Variants in TGM6 observed in about 807,000 individuals in gnomAD.
TGM6 encodes protein-glutamine gamma-glutamyltransferase 6.
In TGM6, 74 loss-of-function variants were observed where a neutral mutation model predicts 77.5. The observed-to-expected ratio is 0.96, with a 90% CI of 0.79 to 1.16. The LOEUF is 1.16. TGM6 is among the 50% of genes most tolerant of loss of function. TGM6 has a pLI of 0.00. For synonymous variants in TGM6, 383 were observed against 378.9 expected, an observed-to-expected ratio of 1.01 and a Z score of -0.12; for missense variants, 968 against 940.2, an observed-to-expected ratio of 1.03 and a Z score of -0.39.
In TGM6 at chr20:2,430,727, G is replaced by A. The variant is rs188188235; in HGVS notation, c.1833+127G>A. The A allele has an allele frequency of 2.5e-6, 4 of 1,590,326 alleles. No homozygotes were observed. In the Admixed American group the frequency reaches 6.7e-5, roughly 27 times the overall value. On this transcript the variant is annotated intron_variant, in intron 11 of 12. Transcript: ENST00000202625. ...GCTTTAGCTCTCCAGGGTGGGAGGAGTGGGTTGGACATAAGGGGATGGGTG... is the reference window on the plus strand; with the variant it reads ...GCTTTAGCTCTCCAGGGTGGGAGGAATGGGTTGGACATAAGGGGATGGGTG...
intron 7 of TGM6, among the ~76,000 whole-genome samples, chr20:2,402,762 G>C (rs1267300610): frequency 6.6e-6 from 1 of 152,144 alleles, no homozygotes; most frequent in Non-Finnish European, 1.5e-5. Flanking sequence ...TAAAAATAAG[G>C]CTGGAATTAC....
At position 2,417,592 on chromosome 20, in the gene TGM6, G is replaced by C; in HGVS notation, c.1678+19G>C. On this transcript the variant is annotated intron_variant, in intron 10 of 12. Coordinates refer to ENST00000202625, the MANE Select transcript of TGM6 (RefSeq NM_198994.3). ...CAAGAAGGTAAGTGTACGCTGGCTT[G>C]GTGGAATCAGGCCAAACCACCTCCT... 6.3e-7 allele frequency: 1 copy of C among 1,586,712 alleles called. No individual in the cohort carries two copies. Among genetic ancestry groups the C allele is most frequent in the East Asian group, 2.3e-5 (1 of 44,082 alleles).
intron 10 of TGM6, among the ~76,000 whole-genome samples, chr20:2,420,202 G>A (rs1457382256): frequency 6.6e-6 from 1 of 151,964 alleles, no homozygotes; most frequent in Non-Finnish European, 1.5e-5. Flanking sequence ...CCGAGATCGC[G>A]CCACTGCACT....
intron 10 of TGM6, among the ~76,000 whole-genome samples, chr20:2,428,997 T>A (rs2084906777): frequency 6.6e-6 from 1 of 151,486 alleles, no homozygotes; most frequent in Admixed American, 6.6e-5. Context: ...AATTTTGTAA[T>A]TTTTTTTAGT....
At chr20:2,392,760 G>A (rs1218447177) in intron 1 of TGM6, among the ~76,000 whole-genome samples, 3 of 152,182 alleles carry the variant, frequency 2.0e-5, no homozygotes, top group African/African-American at 7.2e-5. Context: ...AAAATTAGCT[G>A]AGTATGGTGG....
intron 7 of TGM6, among the ~76,000 whole-genome samples, chr20:2,401,203 G>A (rs1044767396): frequency 4.1e-5 from 2 of 48,500 alleles, no homozygotes; most frequent in Non-Finnish European, 4.7e-5. Flanking sequence ...GTGAGACTTC[G>A]TCTCAAAAAA....
intron 1 of TGM6, among the ~76,000 whole-genome samples, chr20:2,391,410 A>G (rs2084628786): frequency 6.6e-6 from 1 of 151,988 alleles, no homozygotes; most frequent in African/African-American, 2.4e-5. Context: ...GGAAAAGCAC[A>G]AGGCAGGAAA....
chr20:2,393,706 G>A (rs1218923969), intron 1 of TGM6, among the ~76,000 whole-genome samples: 4 of 151,928 alleles, frequency 2.6e-5, no homozygotes, highest in Non-Finnish European at 5.9e-5. Flanking sequence ...TTGTATTATA[G>A]TAGAGATGAG....
chr20:2,420,193 C>T (rs1293181559), intron 10 of TGM6, among the ~76,000 whole-genome samples: 2 of 151,790 alleles, frequency 1.3e-5, no homozygotes. Flanking sequence ...TGCAGTGAGC[C>T]GAGATCGCGC....
At chr20:2,384,086 G>A (rs947488091) in intron 1 of TGM6, among the ~76,000 whole-genome samples, 42 of 134,986 alleles carry the variant, frequency 3.1e-4, no homozygotes, top group African/African-American at 1.1e-3. Flanking sequence ...CAGCCTGGGC[G>A]ACAGAGTGAG....
At position 2,417,525 on chromosome 20, in the gene TGM6, G is replaced by T. The variant is rs147214177; in HGVS notation, c.1630G>T (p.Ala544Ser). Residue 544 changes from alanine (A) to serine (S), a missense_variant, in exon 10 of 13, where the codon GCA becomes TCA. Transcript: ENST00000202625. ...CATCCTCTATACCCGCAAGCCAGTG[G>T]CAGAGATCCTGCATGAATCCCACGC... Reference protein sequence around the residue: ...ATILYTRKPVAEILHESHAVR... With the variant: ...ATILYTRKPVSEILHESHAVR... 6.3e-5 allele frequency: 101 copies of T among 1,606,678 alleles called. No homozygotes were observed. Among genetic ancestry groups the T allele is most frequent in the Admixed American group, 1.0e-4 (6 of 59,996 alleles).
intron 1 of TGM6, among the ~76,000 whole-genome samples, chr20:2,391,992 G>A (rs2084632013): frequency 6.6e-6 from 1 of 152,194 alleles, no homozygotes; most frequent in Admixed American, 6.5e-5. Context: ...GTTTTAAGCT[G>A]TTGCTTATAG....
intron 10 of TGM6, among the ~76,000 whole-genome samples, chr20:2,421,599 G>C (rs1240284927): frequency 6.6e-6 from 1 of 152,114 alleles, no homozygotes; most frequent in Non-Finnish European, 1.5e-5. Context: ...GAGGTGTCCA[G>C]GTCTTTTGCC....
chr20:2,419,766 T>C (rs990249971), intron 10 of TGM6, among the ~76,000 whole-genome samples: 3 of 152,208 alleles, frequency 2.0e-5, no homozygotes, highest in Admixed American at 6.5e-5. Context: ...ATTTAACAGA[T>C]CTTTAAATAA....
chr20:2,398,352 C>G (rs2084683224), intron 5 of TGM6, among the ~76,000 whole-genome samples: 1 of 152,112 alleles, frequency 6.6e-6, no homozygotes, highest in Admixed American at 6.5e-5. Flanking sequence ...GGCTTTGGTT[C>G]TGGTGGTTGG....
intron 1 of TGM6, among the ~76,000 whole-genome samples, chr20:2,383,816 C>T (rs569129084): frequency 6.1e-4 from 93 of 152,132 alleles, no homozygotes; most frequent in African/African-American, 1.9e-3. Context: ...TGTAAAAATC[C>T]CTGTTTGTAG....
chr20:2,399,528 C>T (rs1188812860), intron 5 of TGM6, 33 bp from the exon 6 acceptor site: 1 of 1,612,100 alleles, frequency 6.2e-7, no homozygotes, highest in South Asian at 1.1e-5. Context: ...GGAAGCCCTG[C>T]CTGGTTGTGG....
chr20:2,421,024 G>C (rs1178929972), intron 10 of TGM6, among the ~76,000 whole-genome samples: 3 of 151,582 alleles, frequency 2.0e-5, no homozygotes, highest in African/African-American at 4.9e-5. Flanking sequence ...GTCTCGCTCC[G>C]TCACCAGGCT....
chr20:2,405,074 G>A (rs138888838), intron 9 of TGM6, among the ~76,000 whole-genome samples: 29 of 152,350 alleles, frequency 1.9e-4, no homozygotes, highest in African/African-American at 6.3e-4. Context: ...TCTCCAGGTG[G>A]TGCTGGCTGG....
Sources: allele counts gnomAD v4.1 joint callset (sites outside exome capture counted in the v4.1 genomes callset), GRCh38; gene constraint gnomAD v4.1.1; transcripts MANE v1.5; gene names NCBI Gene and HGNC (gene_info 2026-07-23, HGNC 2026-07-21).